EML6: variants seen among roughly 807,000 people sequenced by gnomAD.
The protein encoded by EML6 is EMAP like 6, also known as echinoderm microtubule-associated protein-like 6.
EML6 carries 154 observed loss-of-function variants against 240.1 expected under a neutral mutation model. That is an observed-to-expected ratio of 0.64 (90% CI 0.56 to 0.73). The LOEUF is 0.73. EML6 is among the 30% of genes least tolerant of loss of function. The probability of loss-of-function intolerance (pLI) is 0.00; values close to 1 mark genes in which losing one functional copy is unlikely to be tolerated. For synonymous variants in EML6, 1,148 were observed against 899.0 expected (o/e 1.28, Z -4.95); for missense variants, 2,964 against 2,474.6 (o/e 1.20, Z -4.20).
chr2:54,797,592 A>G (rs970883295), intron 2 of EML6, among the ~76,000 whole-genome samples: 2 of 150,930 alleles, frequency 1.3e-5, no homozygotes, highest in Admixed American at 1.3e-4. Context: ...CAATAGCATT[A>G]TGCCTAACAA....
intron 9 of EML6, among the ~76,000 whole-genome samples, chr2:54,847,965 C>T (rs780511487): frequency 2.0e-5 from 3 of 152,178 alleles, no homozygotes; most frequent in Non-Finnish European, 4.4e-5. Flanking sequence ...GGGGATGTTA[C>T]ATGATACATT....
At chr2:54,912,445 T>C (rs544372975) in intron 25 of EML6, among the ~76,000 whole-genome samples, 7 of 152,310 alleles carry the variant, frequency 4.6e-5, no homozygotes, top group Non-Finnish European at 7.4e-5. Context: ...CGGGGATACA[T>C]GCATAGGTTT....
chr2:54,785,119 G>C (rs1669019921), intron 2 of EML6, among the ~76,000 whole-genome samples: 1 of 149,582 alleles, frequency 6.7e-6, no homozygotes, highest in Admixed American at 6.7e-5. Flanking sequence ...CACTAAACAT[G>C]ATGAAAAATA....
At chr2:54,871,929 G>A (rs962323147) in intron 16 of EML6, among the ~76,000 whole-genome samples, 3 of 152,198 alleles carry the variant, frequency 2.0e-5, no homozygotes, top group Admixed American at 2.0e-4. Flanking sequence ...ATCCAGAGCA[G>A]CTGTTGCTGT....
chr2:54,964,976 C>T (rs957691499), intron 38 of EML6, among the ~76,000 whole-genome samples: 3 of 152,174 alleles, frequency 2.0e-5, no homozygotes, highest in Non-Finnish European at 4.4e-5. Flanking sequence ...GAAACACAAG[C>T]CCTAATCATC....
At chr2:54,754,053 TG>T (rs1684292992) in intron 2 of EML6, among the ~76,000 whole-genome samples, 1 of 151,546 alleles carries the variant, frequency 6.6e-6, no homozygotes, top group Admixed American at 6.6e-5. Context: ...GAGAATTGCT[TG>T]AACCCAGGAG....
intron 7 of EML6, among the ~76,000 whole-genome samples, chr2:54,830,902 C>G (rs140503713): frequency 7.9e-4 from 121 of 152,278 alleles, no homozygotes; most frequent in African/African-American, 2.3e-3. Flanking sequence ...TTTCTGAATA[C>G]TAGGCACAGA....
chr2:54,829,306 G>A, intron 6 of EML6, 36 bp from the exon 7 acceptor site: 1 of 1,543,568 alleles, frequency 6.5e-7, no homozygotes, highest in Non-Finnish European at 8.8e-7. Context: ...ACTTAGGATG[G>A]TTGCACCATT....
intron 2 of EML6, among the ~76,000 whole-genome samples, chr2:54,797,394 C>T (rs188185032): frequency 7.9e-4 from 120 of 152,136 alleles, no homozygotes; most frequent in Admixed American, 6.9e-3. Context: ...ACCATGTCTT[C>T]TAGTAATACG....
chr2:54,850,399 A>G (rs1250785980), intron 10 of EML6, 181 bp downstream of exon 10: 10 of 583,840 alleles, frequency 1.7e-5, no homozygotes, highest in Admixed American at 3.0e-5. Flanking sequence ...TAAATAACAG[A>G]CATTCAAAGG....
intron 2 of EML6, among the ~76,000 whole-genome samples, chr2:54,757,107 A>T (rs1413073394): frequency 1.3e-5 from 2 of 151,220 alleles, no homozygotes; most frequent in East Asian, 1.9e-4. Context: ...ATATATTGCC[A>T]TATTTTTTCT....
intron 2 of EML6, among the ~76,000 whole-genome samples, chr2:54,793,394 T>TTTC (rs2103920163): frequency 6.6e-6 from 1 of 151,370 alleles, no homozygotes; most frequent in Non-Finnish European, 1.5e-5. Context: ...GCTTTTTTTT[T>TTTC]TTTTTTTTTG....
chr2:54,917,368 T>G (rs1159436954), intron 26 of EML6, among the ~76,000 whole-genome samples: 11 of 149,950 alleles, frequency 7.3e-5, no homozygotes, highest in African/African-American at 2.5e-4. Flanking sequence ...GTTTTTTTTT[T>G]TTTTTTTGTT....
chr2:54,882,873 A>AAAAAAAAAGAG lies in EML6; in HGVS notation c.2438+3234_2438+3235insAAAAAAAGAGA, dbSNP rs796515025. The stretch of plus-strand genomic sequence containing the variant: ...ACTCCGTCTCAAAAAAAAAAAAAAA[A>AAAAAAAAAGAG]AGAAAGCTTAGGGACACACTAAGCT... On this transcript the variant is annotated intron_variant, in intron 17 of 41. Coordinates refer to ENST00000356458, the MANE Select transcript of EML6 (RefSeq NM_001039753.4). 5 of 112,404 alleles carry AAAAAAAAAGAG rather than the reference A, an allele frequency of 4.4e-5. 1 individual carries two copies. Among genetic ancestry groups the AAAAAAAAAGAG allele is most frequent in the African/African-American group, 1.8e-4 (5 of 28,562 alleles). 7.0% of individuals were successfully genotyped at this position (112,404 alleles called of 1,614,324 possible).
intron 25 of EML6, 77 bp from the exon 26 acceptor site, chr2:54,916,682 C>T: frequency 1.7e-6 from 2 of 1,182,840 alleles, no homozygotes; most frequent in Non-Finnish European, 2.3e-6. Context: ...TTTAGAATTA[C>T]TCAGGTGCAA....
At chr2:54,936,093 C>T (rs985086710) in intron 28 of EML6, among the ~76,000 whole-genome samples, 2 of 152,166 alleles carry the variant, frequency 1.3e-5, no homozygotes, top group Non-Finnish European at 2.9e-5. Flanking sequence ...TTCATTATCA[C>T]ATTAAGAGAA....
chr2:54,930,765 G>T (rs1674811490), intron 28 of EML6, among the ~76,000 whole-genome samples: 1 of 152,102 alleles, frequency 6.6e-6, no homozygotes, highest in Admixed American at 6.6e-5. Context: ...ACTGCCAGCT[G>T]CACAGCATGC....
At position 54,928,683 on chromosome 2, in the gene EML6, T is replaced by C. The variant is rs1449614497; in HGVS notation, c.3936T>C (p.Ala1312=). 2 of 1,551,802 alleles carry C rather than the reference T, an allele frequency of 1.3e-6. No homozygotes were observed. Among genetic ancestry groups the C allele is most frequent in the Non-Finnish European group, 1.7e-6 (2 of 1,147,002 alleles). Residue 1312 remains alanine (A), a synonymous_variant, in exon 28 of 42, where the codon GCT becomes GCC. Transcript: ENST00000356458. Reference sequence around the variant, plus strand: ...TTGACTACACCACCAAGATTTATGCTGTGAGCATCAGGGAAATGGAAGGCA... The same window carrying C: ...TTGACTACACCACCAAGATTTATGCCGTGAGCATCAGGGAAATGGAAGGCA... The part of the protein sequence containing the change: ...KAIDYTTKIY[A]VSIREMEGTK...
At chr2:54,814,803 GATTT>G (rs1668010085) in intron 3 of EML6, among the ~76,000 whole-genome samples, 1 of 152,144 alleles carries the variant, frequency 6.6e-6, no homozygotes, top group Non-Finnish European at 1.5e-5. Context: ...TCTAGAACTA[GATTT>G]ATTACATATG....
Sources: allele counts gnomAD v4.1 joint callset (sites outside exome capture counted in the v4.1 genomes callset), GRCh38; gene constraint gnomAD v4.1.1; transcripts MANE v1.5; gene names NCBI Gene and HGNC (gene_info 2026-07-23, HGNC 2026-07-21).